NTF3: variants seen among roughly 807,000 people sequenced by gnomAD.
The protein encoded by NTF3 is neurotrophin 3, also known as neurotrophin-3.
A neutral mutation model predicts 26.3 loss-of-function variants in NTF3; 8 were observed. That is an observed-to-expected ratio of 0.30 (90% confidence interval 0.18 to 0.55). The LOEUF is 0.55. Among genes scored for constraint, NTF3 ranks in the 20% least tolerant of loss-of-function variants. NTF3 has a pLI of 0.93. For synonymous variants in NTF3, 154 were observed against 145.5 expected (o/e 1.06, Z -0.42); for missense variants, 276 against 352.9 (o/e 0.78, Z 1.75).
At chr12:5,438,807 A>G (rs1940204166) in intron 1 of NTF3, among the ~76,000 whole-genome samples, 1 of 152,172 alleles carries the variant, frequency 6.6e-6, no homozygotes, top group African/African-American at 2.4e-5. Context: ...TGACTTTGCC[A>G]TCTGTAAATG....
intron 1 of NTF3, among the ~76,000 whole-genome samples, chr12:5,481,870 G>T (rs199855856): frequency 7.6e-6 from 1 of 131,074 alleles, no homozygotes; most frequent in Non-Finnish European, 1.7e-5. Context: ...AACATACACA[G>T]ACATCACACA....
At chr12:5,451,677 A>T (rs1591594983) in intron 1 of NTF3, among the ~76,000 whole-genome samples, 4 of 151,806 alleles carry the variant, frequency 2.6e-5, no homozygotes, top group African/African-American at 7.3e-5. Flanking sequence ...TATTTCCTTT[A>T]TTTTTGTTTT....
In NTF3 at chr12:5,456,589, C is replaced by T. The variant is rs1311553105; in HGVS notation, c.18+24247C>T. 6.6e-6 allele frequency among the ~76,000 whole-genome samples: 1 copy of T among 152,074 alleles called. No individual in the cohort carries two copies. The highest frequency in any genetic ancestry group is 1.9e-4 in the East Asian group (1 of 5,180). ...TTCTGTTTGCAGCCCTGATCGTGAG[C>T]TCTGGGGGTCCTCTTCCACCCCCAC... On this transcript the variant is annotated intron_variant, in intron 1 of 1. Coordinates refer to ENST00000423158, the MANE Select transcript of NTF3 (RefSeq NM_001102654.2). This position sits in a 1 kb window ranked among gnomAD's most constrained non-coding sequence, Gnocchi z 4.4.
At chr12:5,450,023 G>C (rs1202072499) in intron 1 of NTF3, among the ~76,000 whole-genome samples, 1 of 152,128 alleles carries the variant, frequency 6.6e-6, no homozygotes, top group Non-Finnish European at 1.5e-5. Flanking sequence ...TGCCCTAGTG[G>C]TTGGGGCAAG....
At chr12:5,462,921 T>C (rs1454917194) in intron 1 of NTF3, among the ~76,000 whole-genome samples, 2 of 152,200 alleles carry the variant, frequency 1.3e-5, no homozygotes, top group African/African-American at 4.8e-5. Flanking sequence ...AGGGAAGACA[T>C]CTTGGTAGAG....
intron 1 of NTF3, among the ~76,000 whole-genome samples, chr12:5,492,197 T>TC (rs1225442712): frequency 6.6e-6 from 1 of 152,208 alleles, no homozygotes; most frequent in East Asian, 1.9e-4. Flanking sequence ...GCATTCTCCC[T>TC]CTCAGTTCAT....
chr12:5,483,087 ATCTC>A (rs200530878), intron 1 of NTF3, among the ~76,000 whole-genome samples: 2 of 110,804 alleles, frequency 1.8e-5, no homozygotes, highest in Non-Finnish European at 3.8e-5. Flanking sequence ...CTATCCCTCC[ATCTC>A]TCTCTCCCTC....
chr12:5,471,774 A>G (rs1043496233), intron 1 of NTF3, among the ~76,000 whole-genome samples: 17 of 151,950 alleles, frequency 1.1e-4, no homozygotes, highest in Non-Finnish European at 2.2e-4. Context: ...CCTCGTGCAT[A>G]TCTGTCTCCC....
chr12:5,465,807 A>T (rs1940582589), intron 1 of NTF3, among the ~76,000 whole-genome samples: 1 of 152,210 alleles, frequency 6.6e-6, no homozygotes, highest in South Asian at 2.1e-4. Flanking sequence ...CATCAGGGAA[A>T]CCATAGCAGT....
rs76394511 is a variant in NTF3, at chr12:5,461,455, T to C, written c.18+29113T>C. ...TTTAAATGGTTGGCTACATGGGCTG[T>C]TGGTCATTCTCCATGTTCTCTGTGC... On this transcript the variant is annotated intron_variant, in intron 1 of 1. Coordinates refer to ENST00000423158, the MANE Select transcript of NTF3 (RefSeq NM_001102654.2). Among the ~76,000 whole-genome samples the C allele has an allele frequency of 9.3e-3, 1,412 of 152,264 alleles. 91 individuals are homozygous for C. The East Asian group carries it at 0.16, about 17-fold the overall frequency.
At chr12:5,472,606 T>G (rs929470623) in intron 1 of NTF3, among the ~76,000 whole-genome samples, 1 of 152,158 alleles carries the variant, frequency 6.6e-6, no homozygotes, top group Non-Finnish European at 1.5e-5. Context: ...GGGCCTGCCT[T>G]AAGTGGGGAC....
At chr12:5,470,369 A>G (rs1387810788) in intron 1 of NTF3, among the ~76,000 whole-genome samples, 1 of 152,170 alleles carries the variant, frequency 6.6e-6, no homozygotes, top group Non-Finnish European at 1.5e-5. Flanking sequence ...TAACTGCCAC[A>G]AGCTCCAGGA....
chr12:5,470,260 G>A (rs1370274654), intron 1 of NTF3, among the ~76,000 whole-genome samples: 1 of 152,194 alleles, frequency 6.6e-6, no homozygotes, highest in East Asian at 1.9e-4. Flanking sequence ...CTGGCCTAGA[G>A]GTTTGAATGA....
intron 1 of NTF3, among the ~76,000 whole-genome samples, chr12:5,479,584 G>A (rs1288882457): frequency 6.6e-6 from 1 of 152,198 alleles, no homozygotes; most frequent in Non-Finnish European, 1.5e-5. Flanking sequence ...CAGGGATTCT[G>A]CTTGTAGTTT....
At chr12:5,471,770 G>A (rs1940669209) in intron 1 of NTF3, among the ~76,000 whole-genome samples, 1 of 152,018 alleles carries the variant, frequency 6.6e-6, no homozygotes, top group Non-Finnish European at 1.5e-5. Flanking sequence ...ATCTCCTCGT[G>A]CATATCTGTC....
Position 5,456,709 on chromosome 12 carries a change from G to A in NTF3, c.18+24367G>A, listed in dbSNP as rs1025010071. On this transcript the variant is annotated intron_variant, in intron 1 of 1. Transcript: ENST00000423158. This position sits in a 1 kb window ranked among gnomAD's most constrained non-coding sequence, Gnocchi z 4.4. Reference sequence around the variant, plus strand: ...AGGTTTGTGTAAGATTCCCTCCCACGGTTCAGCACAGATGGGATGACAAGG... The same window carrying A: ...AGGTTTGTGTAAGATTCCCTCCCACAGTTCAGCACAGATGGGATGACAAGG... Among the ~76,000 whole-genome samples the A allele has an allele frequency of 2.1e-4, 32 of 151,940 alleles. 1 individual carries two copies. Among genetic ancestry groups the A allele is most frequent in the Admixed American group, 1.8e-3 (28 of 15,260 alleles).
intron 1 of NTF3, among the ~76,000 whole-genome samples, chr12:5,469,077 T>C (rs893299708): frequency 6.6e-6 from 1 of 151,664 alleles, no homozygotes; most frequent in Non-Finnish European, 1.5e-5. Context: ...GCCATGATTG[T>C]GCCATTGAAC....
chr12:5,474,878 A>T (rs1940703842), intron 1 of NTF3, among the ~76,000 whole-genome samples: 1 of 152,080 alleles, frequency 6.6e-6, no homozygotes, highest in African/African-American at 2.4e-5. Context: ...AAGAAAGAGG[A>T]CTCAAACATG....
chr12:5,490,809 C>T (rs1047854519), intron 1 of NTF3, among the ~76,000 whole-genome samples: 4 of 152,208 alleles, frequency 2.6e-5, no homozygotes, highest in African/African-American at 9.6e-5. Context: ...GGCACCATGG[C>T]ATCTGGGGGA....
Sources: gnomAD v4.1 joint callset for allele counts (sites outside exome capture counted in the v4.1 genomes callset) on GRCh38, gnomAD v4.1.1 for gene constraint, Gnocchi (gnomAD v3.1) non-coding constraint, MANE v1.5 for transcripts, NCBI Gene and HGNC (gene_info 2026-07-23, HGNC 2026-07-21) for gene names.